HERC2: variants seen among roughly 807,000 people sequenced by gnomAD.
HERC2 encodes the protein E3 ubiquitin-protein ligase HERC2.
Under a neutral mutation model 537.7 loss-of-function variants are expected in HERC2, and 102 were observed. The ratio of observed to expected loss-of-function variants is 0.19; its 90% CI spans 0.16 to 0.22. The LOEUF is 0.22. Among genes scored for constraint, HERC2 ranks in the 10% least tolerant of loss-of-function variants. The pLI is 1.00. For missense variants in HERC2, 4,236 were observed against 6,198.2 expected (o/e 0.68, Z 10.63); for synonymous variants, 2,224 against 2,466.2 (o/e 0.90, Z 2.91).
chr15:28,309,701 C>G (rs890968235), intron 2 of HERC2, among the ~76,000 whole-genome samples: 1 of 151,878 alleles, frequency 6.6e-6, no homozygotes, highest in East Asian at 1.9e-4. Flanking sequence ...AACACCTTGA[C>G]TACAGCCTGT....
intron 70 of HERC2, among the ~76,000 whole-genome samples, chr15:28,149,722 AG>A (rs538595667): frequency 2.2e-4 from 34 of 152,308 alleles, no homozygotes; most frequent in Admixed American, 2.0e-3. Context: ...CGCACGTTCT[AG>A]TAAAATTACC....
chr15:28,162,333 C>T (rs1893689100), intron 69 of HERC2, among the ~76,000 whole-genome samples: 1 of 152,074 alleles, frequency 6.6e-6, no homozygotes, highest in South Asian at 2.1e-4. Context: ...TCTCAAAAAC[C>T]TTAGACGAAA....
At chr15:28,321,305 G>A (rs1417539700) in intron 2 of HERC2, 57 bp downstream of exon 2, 1 of 676,620 alleles carries the variant, frequency 1.5e-6, no homozygotes, top group Non-Finnish European at 2.6e-6. Flanking sequence ...AGCCTTACAC[G>A]AGAAATTTAA....
intron 3 of HERC2, among the ~76,000 whole-genome samples, chr15:28,297,011 C>A (rs1309356386): frequency 6.6e-6 from 1 of 152,178 alleles, no homozygotes; most frequent in Admixed American, 6.5e-5. Flanking sequence ...TGCGGGCATA[C>A]GCACGAAAGA....
chr15:28,143,725 C>T, intron 74 of HERC2, 148 bp downstream of exon 74: 1 of 931,634 alleles, frequency 1.1e-6, no homozygotes, highest in Non-Finnish European at 1.6e-6. Context: ...GCATTACACG[C>T]ATGAGCCACC....
intron 2 of HERC2, among the ~76,000 whole-genome samples, chr15:28,316,725 C>G (rs1268282139): frequency 1.3e-5 from 2 of 152,258 alleles, no homozygotes; most frequent in East Asian, 3.9e-4. Context: ...AACCTGAAAG[C>G]CTGAGAACAG....
chr15:28,309,609 C>A (rs2076885921), intron 2 of HERC2, among the ~76,000 whole-genome samples: 1 of 152,032 alleles, frequency 6.6e-6, no homozygotes, highest in Non-Finnish European at 1.5e-5. Context: ...CCTCCAAGAG[C>A]CCAGGGTTTC....
intron 2 of HERC2, among the ~76,000 whole-genome samples, chr15:28,304,957 T>C (rs1221414329): frequency 6.8e-6 from 1 of 147,434 alleles, no homozygotes; most frequent in Non-Finnish European, 1.5e-5. Flanking sequence ...TGAGTGAGAA[T>C]ATGCGGTGTT....
At chr15:28,215,400 A>C in intron 39 of HERC2, among the ~76,000 whole-genome samples, 1 of 152,224 alleles carries the variant, frequency 6.6e-6, no homozygotes, top group Non-Finnish European at 1.5e-5. Context: ...ATGAGTGAGT[A>C]GTTGCAGGAT....
chr15:28,270,626 C>A, intron 10 of HERC2, 69 bp downstream of exon 10: 1 of 1,483,718 alleles, frequency 6.7e-7, no homozygotes, highest in South Asian at 1.2e-5. Context: ...TCCACACGGG[C>A]CCAGGATGAG....
At chr15:28,158,075 G>C (rs550965479) in intron 69 of HERC2, among the ~76,000 whole-genome samples, 1 of 152,174 alleles carries the variant, frequency 6.6e-6, no homozygotes, top group African/African-American at 2.4e-5. Context: ...CTGAGTTCTA[G>C]TTTGATGGCA....
chr15:28,170,377 C>T (rs1268311321), intron 65 of HERC2, among the ~76,000 whole-genome samples: 1 of 152,184 alleles, frequency 6.6e-6, no homozygotes, highest in African/African-American at 2.4e-5. Flanking sequence ...AAATATGCCT[C>T]ACTGACTGTT....
intron 63 of HERC2, among the ~76,000 whole-genome samples, chr15:28,175,864 A>G (rs1433520373): frequency 1.3e-5 from 2 of 152,162 alleles, no homozygotes; most frequent in Non-Finnish European, 2.9e-5. Context: ...ATACCTTAAT[A>G]CATATTTTAT....
chr15:28,260,596 A>C (rs944421952), intron 16 of HERC2, among the ~76,000 whole-genome samples, 181 bp downstream of exon 16: 29 of 152,368 alleles, frequency 1.9e-4, no homozygotes, highest in African/African-American at 6.3e-4. Context: ...TACAGATAGC[A>C]TTTAATTGTC....
intron 1 of HERC2, 138 bp downstream of exon 1, chr15:28,321,937 C>G (rs1341460297): frequency 7.3e-6 from 1 of 137,272 alleles, no homozygotes; most frequent in Non-Finnish European, 1.5e-5. Context: ...GAGAGAGGCC[C>G]GAGGCTGCCC....
chr15:28,129,449 C>T (rs943540423), intron 83 of HERC2, among the ~76,000 whole-genome samples: 1 of 152,228 alleles, frequency 6.6e-6, no homozygotes, highest in Admixed American at 6.5e-5. Context: ...CTGCCTGGCG[C>T]GTACCAAGTT....
Position 28,213,831 on chromosome 15 carries a change from C to G in HERC2, c.6697G>C (p.Val2233Leu). The change falls in exon 42 of 93, where the codon GTG becomes CTG. Residue 2233 changes from valine to leucine, a missense_variant. Around this residue, in one of 27 missense-constraint regions of HERC2, gnomAD observed 365 missense variants for 468.8 expected, o/e 0.78. Coordinates refer to ENST00000261609, the MANE Select transcript of HERC2 (RefSeq NM_004667.6). Reference sequence around the variant, plus strand: ...TTGCCCTTTGGGGTGATGCGAGTCACAGTGCCTTCTCCAAACTCATCGTGC... The same window carrying G: ...TTGCCCTTTGGGGTGATGCGAGTCAGAGTGCCTTCTCCAAACTCATCGTGC... Reference protein sequence around the residue: ...VMHDEFGEGTVTRITPKGKIT... With the variant: ...VMHDEFGEGTLTRITPKGKIT... 4 of 1,614,030 alleles carry G rather than the reference C, an allele frequency of 2.5e-6. No individual in the cohort carries two copies. Among genetic ancestry groups the G allele is most frequent in the Non-Finnish European group, 3.4e-6 (4 of 1,179,890 alleles).
Position 28,144,666 on chromosome 15 carries a change from T to G in HERC2, c.11140+7A>C, listed in dbSNP as rs757660355. Reference sequence around the variant, plus strand: ...CTAACCTTGATCGCCATAAGCCCCTTCCTTACCAGCAGCTGGCATGATGGG... The same window carrying G: ...CTAACCTTGATCGCCATAAGCCCCTGCCTTACCAGCAGCTGGCATGATGGG... On this transcript the variant is annotated splice_region_variant and intron_variant, in intron 72 of 92. Coordinates refer to ENST00000261609, the MANE Select transcript of HERC2 (RefSeq NM_004667.6). 14 of 1,613,956 alleles carry G rather than the reference T, an allele frequency of 8.7e-6. No homozygotes were observed. The highest frequency in any genetic ancestry group is 1.7e-5 in the Admixed American group (1 of 59,998).
chr15:28,290,614 G>GA (rs1333373911), intron 4 of HERC2, among the ~76,000 whole-genome samples: 1 of 152,148 alleles, frequency 6.6e-6, no homozygotes, highest in Non-Finnish European at 1.5e-5. Flanking sequence ...TGAAATCACA[G>GA]AATATGTTCT....
Sources: gnomAD v4.1 joint callset for allele counts (sites outside exome capture counted in the v4.1 genomes callset) on GRCh38, gnomAD v4.1.1 for gene constraint, gnomAD v4.1.1 regional missense constraint, MANE v1.5 for transcripts, NCBI Gene and HGNC (gene_info 2026-07-23, HGNC 2026-07-21) for gene names.